Variants in ZNF804A observed in about 807,000 individuals in gnomAD.
The protein encoded by ZNF804A is zinc finger protein 804A.
A neutral mutation model predicts 16.5 loss-of-function variants in ZNF804A; 2 were observed. That is an observed-to-expected ratio of 0.12 (90% CI 0.05 to 0.38). The LOEUF (loss-of-function observed/expected upper bound fraction) is 0.38, where lower values mean the gene tolerates loss of function less well. ZNF804A is among the 10% of genes least tolerant of loss of function. The probability of loss-of-function intolerance (pLI) is 0.99; values close to 1 mark genes in which losing one functional copy is unlikely to be tolerated. For synonymous variants in ZNF804A, 534 were observed against 489.6 expected, an observed-to-expected ratio of 1.09 and a Z score of -1.20; for missense variants, 1,473 against 1,390.7, an observed-to-expected ratio of 1.06 and a Z score of -0.94.
intron 2 of ZNF804A, among the ~76,000 whole-genome samples, chr2:184,927,670 C>T (rs978140786): frequency 3.9e-5 from 6 of 152,148 alleles, no homozygotes; most frequent in African/African-American, 1.2e-4. Context: ...ATTGTACTGT[C>T]GCTGAGCTGG....
At chr2:184,912,772 A>T (rs1438967592) in intron 2 of ZNF804A, among the ~76,000 whole-genome samples, 1 of 152,018 alleles carries the variant, frequency 6.6e-6, no homozygotes, top group Non-Finnish European at 1.5e-5. Context: ...TGTCTATTTA[A>T]GTCTTTTGCC....
At chr2:184,741,967 T>A (rs72901852) in intron 1 of ZNF804A, among the ~76,000 whole-genome samples, 8,014 of 152,182 alleles carry the variant, frequency 0.053, 266 homozygotes, top group Middle Eastern at 0.079. Flanking sequence ...TTTGCACTTG[T>A]TTATAATAAA....
chr2:184,810,484 CTTTTTTTTTT>C (rs1175105602), intron 1 of ZNF804A, among the ~76,000 whole-genome samples: 12 of 95,972 alleles, frequency 1.3e-4, no homozygotes, highest in African/African-American at 4.4e-4. Context: ...TGTTCTTTTC[CTTTTTTTTTT>C]TTTTTTTTTT....
chr2:184,752,997 A>T (rs1693899533), intron 1 of ZNF804A, among the ~76,000 whole-genome samples: 2 of 151,658 alleles, frequency 1.3e-5, no homozygotes, highest in South Asian at 4.2e-4. Context: ...GTACCCTTTT[A>T]CATATAAGAT....
At chr2:184,820,213 T>G (rs1343770218) in intron 1 of ZNF804A, among the ~76,000 whole-genome samples, 1 of 152,070 alleles carries the variant, frequency 6.6e-6, no homozygotes, top group Non-Finnish European at 1.5e-5. Context: ...AAAAAGGTTA[T>G]CCAGCACGAT....
intron 1 of ZNF804A, among the ~76,000 whole-genome samples, chr2:184,857,278 A>T (rs1695703366): frequency 6.6e-6 from 1 of 152,004 alleles, no homozygotes. Context: ...CATGTATTTC[A>T]TACTTTCCAA....
chr2:184,752,325 G>T (rs1693888812), intron 1 of ZNF804A, among the ~76,000 whole-genome samples: 1 of 151,606 alleles, frequency 6.6e-6, no homozygotes, highest in African/African-American at 2.4e-5. Flanking sequence ...TATGTTCTTT[G>T]CAGGAGCATG....
Position 184,657,703 on chromosome 2 carries a change from C to A in ZNF804A, c.111+58633C>A, listed in dbSNP as rs139418161. On this transcript the variant is annotated intron_variant, in intron 1 of 3. Transcript: ENST00000302277. Reference sequence around the variant, plus strand: ...TTTAGGAAAATTCTTAATTATGATTCTTTGTCCAGTTTGGGCTGAAAGTTT... The same window carrying A: ...TTTAGGAAAATTCTTAATTATGATTATTTGTCCAGTTTGGGCTGAAAGTTT... Among the ~76,000 whole-genome samples, 21 of 152,252 alleles carry A rather than the reference C, an allele frequency of 1.4e-4. No individual in the cohort carries two copies. In the East Asian group the frequency reaches 3.7e-3, roughly 27 times the overall value.
intron 1 of ZNF804A, among the ~76,000 whole-genome samples, chr2:184,657,736 A>G (rs908917053): frequency 1.3e-5 from 2 of 152,212 alleles, no homozygotes; most frequent in Admixed American, 1.3e-4. Context: ...TTTAAATTCT[A>G]CAGTTGCCTG....
intron 1 of ZNF804A, among the ~76,000 whole-genome samples, chr2:184,702,090 A>G (rs1352340235): frequency 6.6e-6 from 1 of 152,038 alleles, no homozygotes; most frequent in African/African-American, 2.4e-5. Context: ...GAATAAAAAT[A>G]AAAATAAAAA....
chr2:184,781,626 G>A (rs1189354347), intron 1 of ZNF804A, among the ~76,000 whole-genome samples: 3 of 151,674 alleles, frequency 2.0e-5, no homozygotes, highest in African/African-American at 7.3e-5. Context: ...CAAAAGTGCT[G>A]TGTACACGTA....
chr2:184,702,158 TAA>T (rs947403093), intron 1 of ZNF804A, among the ~76,000 whole-genome samples: 13 of 152,040 alleles, frequency 8.6e-5, no homozygotes, highest in African/African-American at 3.1e-4. Flanking sequence ...GTCTAAGAAT[TAA>T]AAGTCTGTGT....
At chr2:184,683,216 A>G (rs1032664436) in intron 1 of ZNF804A, among the ~76,000 whole-genome samples, 2 of 152,182 alleles carry the variant, frequency 1.3e-5, no homozygotes, top group East Asian at 1.9e-4. Context: ...GAACAATTCA[A>G]TGTCTACTTT....
intron 1 of ZNF804A, among the ~76,000 whole-genome samples, chr2:184,840,681 C>A (rs1275445553): frequency 6.6e-6 from 1 of 152,066 alleles, no homozygotes; most frequent in East Asian, 1.9e-4. Flanking sequence ...ACCCAGCAAC[C>A]AATTTCTCCC....
intron 1 of ZNF804A, among the ~76,000 whole-genome samples, chr2:184,649,055 A>T (rs1691932648): frequency 6.6e-6 from 1 of 151,428 alleles, no homozygotes; most frequent in Non-Finnish European, 1.5e-5. Flanking sequence ...TCAATAAGTT[A>T]AAAAAAAATC....
intron 1 of ZNF804A, among the ~76,000 whole-genome samples, chr2:184,657,907 A>G (rs1343187878): frequency 1.3e-5 from 2 of 152,234 alleles, no homozygotes; most frequent in Non-Finnish European, 2.9e-5. Flanking sequence ...AGAACTGTAT[A>G]TAGGAAAGCA....
At chr2:184,836,981 T>G (rs867432612) in intron 1 of ZNF804A, among the ~76,000 whole-genome samples, 5 of 151,906 alleles carry the variant, frequency 3.3e-5, no homozygotes, top group Admixed American at 6.6e-5. Context: ...ATGTACATGG[T>G]GTGTCTTCTT....
intron 1 of ZNF804A, among the ~76,000 whole-genome samples, chr2:184,860,018 A>G (rs999711512): frequency 6.6e-6 from 1 of 152,194 alleles, no homozygotes; most frequent in East Asian, 1.9e-4. Context: ...CTCCACAGGA[A>G]TAGGTCTGGG....
At chr2:184,901,605 G>T (rs1685183075) in intron 2 of ZNF804A, among the ~76,000 whole-genome samples, 1 of 152,138 alleles carries the variant, frequency 6.6e-6, no homozygotes. Context: ...CATCATTCTT[G>T]GTAATAATCC....
Sources: gnomAD v4.1 joint callset for allele counts (sites outside exome capture counted in the v4.1 genomes callset) on GRCh38, gnomAD v4.1.1 for gene constraint, MANE v1.5 for transcripts, NCBI Gene and HGNC (gene_info 2026-07-23, HGNC 2026-07-21) for gene names.